Variants in PPEF2 observed in about 807,000 individuals in gnomAD.
PPEF2 encodes serine/threonine-protein phosphatase with EF-hands 2.
In PPEF2, 84 loss-of-function variants were observed where a neutral mutation model predicts 84.7. The observed-to-expected ratio is 0.99, with a 90% CI of 0.83 to 1.19. The LOEUF (loss-of-function observed/expected upper bound fraction) is 1.19, where lower values mean the gene tolerates loss of function less well. Ranked by LOEUF, PPEF2 falls within the 50% of genes most tolerant of loss-of-function variation. The probability of loss-of-function intolerance (pLI) is 0.00; values close to 1 mark genes in which losing one functional copy is unlikely to be tolerated. For synonymous variants in PPEF2, 346 were observed against 345.2 expected (o/e 1.00, Z -0.03); for missense variants, 924 against 937.5 (o/e 0.99, Z 0.19).
In PPEF2 at chr4:75,873,235, A is replaced by T; in HGVS notation, c.1398T>A (p.Tyr466Ter). ...KANTIRGGGC[Y>*]FGPDVTQQLL... ...ACTGTTGTGTCACATCAGGCCCAAA[A>T]TAACAGCCTCCTCCTCGAATAGTGT... Residue 466 changes from tyrosine to a stop codon, truncating the protein, a stop_gained, in exon 12 of 17, where the codon TAT (tyrosine) becomes TAA (stop). Transcript: ENST00000286719. LOFTEE classifies it high-confidence loss of function. The T allele has an allele frequency of 6.2e-7, 1 of 1,614,168 alleles. No homozygotes were observed. Among genetic ancestry groups the T allele is most frequent in the South Asian group, 1.1e-5 (1 of 91,078 alleles).
chr4:75,876,479 G>A lies in PPEF2; in HGVS notation c.1128C>T (p.Pro376=). The A allele has an allele frequency of 6.2e-7, 1 of 1,613,990 alleles. No individual in the cohort carries two copies. The highest frequency in any genetic ancestry group is 8.5e-7 in the Non-Finnish European group (1 of 1,179,892). Residue 376 remains proline (P), a synonymous_variant, in exon 11 of 17, where the codon CCC becomes CCT. Transcript: ENST00000286719. Reference sequence around the variant, plus strand: ...CCCGCCCGTCCAGGGAACCGCTGCAGGGGATGCTGGAGGACCTGCTGGTTT... The same window carrying A: ...CCCGCCCGTCCAGGGAACCGCTGCAAGGGATGCTGGAGGACCTGCTGGTTT... ...AQKTSRSSSI[P]CSGSLDGREL... is the part of the protein sequence containing the mutation.
chr4:75,886,378 C>G (rs537038113), intron 7 of PPEF2, among the ~76,000 whole-genome samples: 1 of 152,148 alleles, frequency 6.6e-6, no homozygotes, highest in African/African-American at 2.4e-5. Context: ...AAACCGGGTG[C>G]GGCCGGAAAG....
At chr4:75,890,304 A>G (rs1272011361) in intron 4 of PPEF2, among the ~76,000 whole-genome samples, 172 bp from the exon 5 acceptor site, 1 of 151,994 alleles carries the variant, frequency 6.6e-6, no homozygotes, top group Non-Finnish European at 1.5e-5. Flanking sequence ...TAGGCAACAT[A>G]GGGAAACCTT....
chr4:75,860,890 G>A lies in PPEF2; in HGVS notation c.2039C>T (p.Thr680Ile). The change falls in exon 17 of 17, where the codon ACC becomes ATC. Residue 680 changes from threonine (T) to isoleucine (I), a missense_variant. Physicochemically the swap from Thr to Ile is moderately conservative, Grantham distance 89 (BLOSUM62 -1). Transcript: ENST00000286719. ...CATGTGAGAGCTGAACAGCTTCCAG[G>A]TCTGCCTGAACTCGTCCAGTGAGAT... The part of the protein sequence containing the change: ...GFISLDEFRQ[T>I]WKLFSSHMNI... 6.2e-7 allele frequency: 1 copy of A among 1,614,188 alleles called. No individual in the cohort carries two copies. The highest frequency in any genetic ancestry group is 8.5e-7 in the Non-Finnish European group (1 of 1,180,004).
intron 6 of PPEF2, among the ~76,000 whole-genome samples, chr4:75,887,599 C>T (rs1359411785): frequency 1.5e-5 from 2 of 135,830 alleles, no homozygotes; most frequent in Non-Finnish European, 3.1e-5. Flanking sequence ...CCAGCCTGGG[C>T]GACAGAGCGG....
chr4:75,901,760 C>T (rs1284239057), intron 1 of PPEF2, among the ~76,000 whole-genome samples: 2 of 152,144 alleles, frequency 1.3e-5, no homozygotes, highest in African/African-American at 4.8e-5. Flanking sequence ...CCTTCTCCTT[C>T]TAGAATTTGA....
chr4:75,884,758 A>G lies in PPEF2; in HGVS notation c.582T>C (p.Asn194=), dbSNP rs753484269. Residue 194 remains asparagine (N), a splice_region_variant and synonymous_variant, in exon 8 of 17, where the codon AAT becomes AAC. Coordinates refer to ENST00000286719, the MANE Select transcript of PPEF2 (RefSeq NM_006239.3). ...ATGACCGTTCTGGCGACGGGAGGCC[A>G]TTCTTTTCAACAAGGAGACCAGTGA... ...LDDLIFIFYK[N]GLPSPERSYV... 7.0e-6 allele frequency: 11 copies of G among 1,575,290 alleles called. No individual in the cohort carries two copies. Among genetic ancestry groups the G allele is most frequent in the Non-Finnish European group, 9.4e-6 (11 of 1,164,234 alleles).
At chr4:75,876,742 A>C (rs1248100066) in intron 10 of PPEF2, 69 bp from the exon 11 acceptor site, 36 of 1,462,782 alleles carry the variant, frequency 2.5e-5, no homozygotes, top group Non-Finnish European at 3.2e-5. Flanking sequence ...GTGGTGGCCC[A>C]CTCCTGTAAT....
At position 75,860,152 on chromosome 4, in the gene PPEF2, C is replaced by G. The variant is rs561955440; in HGVS notation, c.*515G>C. The G allele has an allele frequency of 6.5e-5, 10 of 154,602 alleles. No homozygotes were observed. In the South Asian group the frequency reaches 2.0e-3, roughly 31 times the overall value. 9.6% of individuals were successfully genotyped at this position (154,602 alleles called of 1,614,324 possible). On this transcript the variant is annotated 3_prime_UTR_variant, in exon 17 of 17. Transcript: ENST00000286719. ...TCACCTGAGGTTGGGAGTTCAAGAC[C>G]AGCCTGACCAACATGGAGAAACCCT...
At chr4:75,871,837 AGT>A (rs1724287668) in intron 13 of PPEF2, among the ~76,000 whole-genome samples, 186 bp downstream of exon 13, 2 of 152,218 alleles carry the variant, frequency 1.3e-5, no homozygotes, top group African/African-American at 4.8e-5. Context: ...AGCTATTAGG[AGT>A]GTGTGGAGGA....
intron 16 of PPEF2, among the ~76,000 whole-genome samples, chr4:75,862,984 T>G (rs893457749): frequency 2.0e-5 from 3 of 152,180 alleles, no homozygotes; most frequent in African/African-American, 7.2e-5. Flanking sequence ...AATGAAAAAC[T>G]GATACTGCTG....
chr4:75,887,586 C>A (rs1347909944), intron 6 of PPEF2, among the ~76,000 whole-genome samples: 5 of 150,830 alleles, frequency 3.3e-5, no homozygotes, highest in Middle Eastern at 3.4e-3. Flanking sequence ...GCACCACTGC[C>A]CTCCAGCCTG....
At chr4:75,861,000 C>A (rs941212230) in intron 16 of PPEF2, 80 bp from the exon 17 acceptor site, 1 of 1,494,046 alleles carries the variant, frequency 6.7e-7, no homozygotes, top group East Asian at 2.3e-5. Context: ...TACAAGGACA[C>A]CTGCTCCCTA....
chr4:75,869,720 C>T (rs543864135), intron 13 of PPEF2, among the ~76,000 whole-genome samples: 11 of 152,176 alleles, frequency 7.2e-5, no homozygotes, highest in African/African-American at 1.9e-4. Context: ...TGATGGCGCA[C>T]GCCTGTAGTA....
chr4:75,873,374 T>C, intron 11 of PPEF2, 62 bp from the exon 12 acceptor site: 1 of 1,426,812 alleles, frequency 7.0e-7, no homozygotes, highest in East Asian at 2.4e-5. Flanking sequence ...CCACAGTCAT[T>C]CAAATGAAAG....
intron 10 of PPEF2, among the ~76,000 whole-genome samples, chr4:75,877,772 A>T (rs2149219485): frequency 6.6e-6 from 1 of 151,920 alleles, no homozygotes; most frequent in African/African-American, 2.4e-5. Flanking sequence ...ATATTATTTC[A>T]TCATTTTTCT....
rs142358572 is a variant in PPEF2 at position 75,898,623 on chromosome 4, T to C, written c.-58-2240A>G. Among the ~76,000 whole-genome samples the C allele has an allele frequency of 1.2e-3, 179 of 152,366 alleles. 1 individual carries two copies. The highest frequency in any genetic ancestry group is 2.4e-3 in the Non-Finnish European group (163 of 68,028). On this transcript the variant is annotated intron_variant, in intron 1 of 16. Transcript: ENST00000286719. ...ACTGTGAGTTCCTTCAGAGAAAGAC[T>C]GTAAGCAAATTCATCATTTTATCCC...
At chr4:75,866,933 A>T (rs1448932751) in intron 14 of PPEF2, among the ~76,000 whole-genome samples, 2 of 152,238 alleles carry the variant, frequency 1.3e-5, no homozygotes, top group African/African-American at 4.8e-5. Context: ...CAACATTTTT[A>T]GCTTGGATAA....
At position 75,860,341 on chromosome 4, in the gene PPEF2, T is replaced by C; in HGVS notation, c.*326A>G. On this transcript the variant is annotated 3_prime_UTR_variant, in exon 17 of 17. Transcript: ENST00000286719. ...TGGGCAACAAGAGAGAAACTCCATC[T>C]CAAAAAAACGTATAAAATGAAAACA... The C allele has an allele frequency of 3.6e-6, 1 of 280,794 alleles. No homozygotes were observed. The highest frequency in any genetic ancestry group is 6.8e-6 in the Non-Finnish European group (1 of 147,628). 17.4% of individuals were successfully genotyped at this position (280,794 alleles called of 1,614,324 possible).
Sources: gnomAD v4.1 joint callset for allele counts (sites outside exome capture counted in the v4.1 genomes callset) on GRCh38, gnomAD v4.1.1 for gene constraint, MANE v1.5 for transcripts, NCBI Gene and HGNC (gene_info 2026-07-23, HGNC 2026-07-21) for gene names.